Variants in PTBP3 observed in about 807,000 individuals in gnomAD.
PTBP3 encodes the protein polypyrimidine tract-binding protein 3.
A neutral mutation model predicts 58.7 loss-of-function variants in PTBP3; 20 were observed. The observed-to-expected ratio is 0.34, with a 90% CI of 0.24 to 0.50. The LOEUF is 0.50. Ranked by LOEUF, PTBP3 falls within the 20% of genes least tolerant of loss-of-function variation. PTBP3 has a pLI of 0.98. For synonymous variants in PTBP3, 185 were observed against 219.8 expected (o/e 0.84, Z 1.40); for missense variants, 509 against 637.2 (o/e 0.80, Z 2.17).
chr9:112,377,913 T>C, the PTBP3 span, among the ~76,000 whole-genome samples: 1 of 152,188 alleles, frequency 6.6e-6, no homozygotes, highest in East Asian at 1.9e-4. Context: ...ATATCTTGAG[T>C]ATGTCTTTTC....
chr9:112,246,338 G>A (rs1211017053), intron 7 of PTBP3, among the ~76,000 whole-genome samples: 1 of 152,052 alleles, frequency 6.6e-6, no homozygotes, highest in Non-Finnish European at 1.5e-5. Context: ...AGAAATGATG[G>A]AATTAGCAAA....
In PTBP3 at chr9:112,243,403, G is replaced by A. The variant is rs1382646516; in HGVS notation, c.802+7526C>T. On this transcript the variant is annotated intron_variant, in intron 7 of 13. Coordinates refer to ENST00000374257, the MANE Select transcript of PTBP3 (RefSeq NM_001163788.4). ...TAAAAATTCAAAAAATTAGCTAGAC[G>A]TGGTGGCAGGCACCTGTAATCCCAG... Among the ~76,000 whole-genome samples, 6 of 152,192 alleles carry A rather than the reference G, an allele frequency of 3.9e-5. No homozygotes were observed. The East Asian group carries it at 7.7e-4, about 20-fold the overall frequency.
rs1298602316 is a variant in PTBP3, at chr9:112,220,968, C to T, written c.*2883G>A. Reference sequence around the variant, plus strand: ...AAATGCATGCCAAAACAGAGATACACAGATCTAGTTTTTCCACCATCCTGA... The same window carrying T: ...AAATGCATGCCAAAACAGAGATACATAGATCTAGTTTTTCCACCATCCTGA... On this transcript the variant is annotated 3_prime_UTR_variant, in exon 14 of 14. Coordinates refer to ENST00000374257, the MANE Select transcript of PTBP3 (RefSeq NM_001163788.4). The T allele has an allele frequency of 1.0e-6, 1 of 966,356 alleles. No homozygotes were observed. Among genetic ancestry groups the T allele is most frequent in the Non-Finnish European group, 1.2e-6 (1 of 812,806 alleles). The allele number at this position is 966,356 out of a possible 1,614,324, so 59.9% of individuals were successfully genotyped here.
chr9:112,332,666 CAGAGAACAG>C, intron 1 of PTBP3: 3 of 1,252,216 alleles, frequency 2.4e-6, no homozygotes, highest in Middle Eastern at 2.0e-4. Context: ...CCTGAGTCCC[CAGAGAACAG>C]TTTATATACA....
the PTBP3 span, among the ~76,000 whole-genome samples, chr9:112,375,997 T>C: frequency 6.6e-6 from 1 of 151,984 alleles, no homozygotes; most frequent in Non-Finnish European, 1.5e-5. Flanking sequence ...ATAGCATCCC[T>C]ATCTGCCACT....
chr9:112,267,168 CTTT>C (rs59575179), intron 4 of PTBP3, among the ~76,000 whole-genome samples: 8 of 137,584 alleles, frequency 5.8e-5, no homozygotes, highest in Non-Finnish European at 4.7e-5. Context: ...AACCCACTTT[CTTT>C]TTTTTTTTTT....
chr9:112,330,672 C>T (rs1242259138), intron 1 of PTBP3, among the ~76,000 whole-genome samples: 3 of 152,054 alleles, frequency 2.0e-5, no homozygotes. Context: ...AAAGCAAATC[C>T]TTACTACCAA....
intron 3 of PTBP3, among the ~76,000 whole-genome samples, chr9:112,268,877 T>C (rs1295670545): frequency 1.3e-5 from 2 of 152,122 alleles, no homozygotes; most frequent in African/African-American, 2.4e-5. Flanking sequence ...TTTCAGCGGC[T>C]GTGATTTAAG....
chr9:112,331,723 C>T (rs1455501864), intron 1 of PTBP3, among the ~76,000 whole-genome samples: 1 of 152,208 alleles, frequency 6.6e-6, no homozygotes, highest in African/African-American at 2.4e-5. Context: ...ATCTGTATAA[C>T]TGCCTTGCAT....
At chr9:112,232,370 G>C in intron 8 of PTBP3, 132 bp from the exon 9 acceptor site, 1 of 930,756 alleles carries the variant, frequency 1.1e-6, no homozygotes, top group South Asian at 1.8e-5. Flanking sequence ...TAAAGATACT[G>C]AAGGCCAGTT....
chr9:112,220,764 G>T lies in PTBP3; in HGVS notation c.*3087C>A, dbSNP rs1420595939. 2 of 983,666 alleles carry T rather than the reference G, an allele frequency of 2.0e-6. No individual in the cohort carries two copies. The highest frequency in any genetic ancestry group is 1.7e-5 in the African/African-American group (1 of 57,146). The allele number at this position is 983,666 out of a possible 1,614,324, so 60.9% of individuals were successfully genotyped here. A position where few individuals can be genotyped will look rare whatever the true frequency, so the allele number is the denominator to read the frequency against. On this transcript the variant is annotated 3_prime_UTR_variant, in exon 14 of 14. Coordinates refer to ENST00000374257, the MANE Select transcript of PTBP3 (RefSeq NM_001163788.4). ...AAATCTCAAAGTAAATCATTTTGGT[G>T]TAATTCGCTACTGTTAAATGTGTAC...
chr9:112,316,661 T>G (rs952403037), intron 1 of PTBP3, among the ~76,000 whole-genome samples: 2 of 152,224 alleles, frequency 1.3e-5, no homozygotes, highest in Non-Finnish European at 2.9e-5. Flanking sequence ...GGTATCAGGC[T>G]GGGCACAGTG....
chr9:112,219,455 G>C lies in PTBP3; in HGVS notation c.*4396C>G, dbSNP rs41280167. The C allele has an allele frequency of 6.6e-6, 1 of 152,310 alleles. No individual in the cohort carries two copies. Among genetic ancestry groups the C allele is most frequent in the Non-Finnish European group, 1.5e-5 (1 of 68,026 alleles). 9.4% of individuals were successfully genotyped at this position (152,310 alleles called of 1,614,324 possible). A position where few individuals can be genotyped will look rare whatever the true frequency, so the allele number is the denominator to read the frequency against. ...CATGCCATAGGCATCTTTCAATTAT[G>C]ACTATGATCACCAAGGTCACTGGAC... On this transcript the variant is annotated 3_prime_UTR_variant, in exon 14 of 14. Transcript: ENST00000374257.
At chr9:112,374,475 T>A in the PTBP3 span, among the ~76,000 whole-genome samples, 2 of 152,190 alleles carry the variant, frequency 1.3e-5, no homozygotes, top group Non-Finnish European at 2.9e-5. Flanking sequence ...CAGTACCATA[T>A]ATTGAACACT....
At chr9:112,374,753 C>T in the PTBP3 span, among the ~76,000 whole-genome samples, 400 of 152,332 alleles carry the variant, frequency 2.6e-3, 5 homozygotes, top group Middle Eastern at 0.014. Context: ...TCTGTGAGTC[C>T]ATGGATGGTA....
At chr9:112,246,878 G>A (rs1030831322) in intron 7 of PTBP3, among the ~76,000 whole-genome samples, 4 of 152,072 alleles carry the variant, frequency 2.6e-5, no homozygotes, top group African/African-American at 9.7e-5. Context: ...AACATCATGT[G>A]TCTCCTAATG....
At chr9:112,331,081 GAACACA>G (rs997626606) in intron 1 of PTBP3, among the ~76,000 whole-genome samples, 7 of 67,830 alleles carry the variant, frequency 1.0e-4, no homozygotes, top group African/African-American at 3.5e-4. Context: ...AGGAGGAAAC[GAACACA>G]CACACACACA....
In PTBP3 at chr9:112,262,592, T is replaced by A. The variant is rs1836643997; in HGVS notation, c.359A>T (p.Gln120Leu). 1 of 1,597,378 alleles carries A rather than the reference T, an allele frequency of 6.3e-7. No individual in the cohort carries two copies. The highest frequency in any genetic ancestry group is 8.5e-7 in the Non-Finnish European group (1 of 1,173,954). The change falls in exon 5 of 14, where the codon CAA becomes CTA. Residue 120 changes from glutamine to leucine, a missense_variant. Gln to Leu is a moderately radical substitution (Grantham distance 113). Coordinates refer to ENST00000374257, the MANE Select transcript of PTBP3 (RefSeq NM_001163788.4). ...GGCACTGACAGCCTGCAGTGCAGCT[T>A]GGGCTCGCTATAGAACAACCCAAAA... ...TDNLPNQARAQAALQAVSAVQ... is the reference protein window; with the variant it reads ...TDNLPNQARALAALQAVSAVQ...
rs34426952 is a variant in PTBP3, at chr9:112,287,334, G to GTTTTTTTTTTTTTTTTTTTTTT, written c.34+10497_34+10498insAAAAAAAAAAAAAAAAAAAAAA. 4.2e-5 allele frequency among the ~76,000 whole-genome samples: 4 copies of GTTTTTTTTTTTTTTTTTTTTTT among 96,080 alleles called. 2 individuals are homozygous for GTTTTTTTTTTTTTTTTTTTTTT. Among genetic ancestry groups the GTTTTTTTTTTTTTTTTTTTTTT allele is most frequent in the African/African-American group, 8.6e-5 (2 of 23,152 alleles). The allele number at this position is 96,080 out of a possible 152,430, so 63.0% of individuals were successfully genotyped here. ...TAAGGCTCTGTTCACTTCTTTTTCA[G>GTTTTTTTTTTTTTTTTTTTTTT]TTTTTTGTTTTTTTTTTTTTTTTGA... On this transcript the variant is annotated intron_variant, in intron 2 of 13. Coordinates refer to ENST00000374257, the MANE Select transcript of PTBP3 (RefSeq NM_001163788.4).
Sources: gnomAD v4.1 joint callset for allele counts (sites outside exome capture counted in the v4.1 genomes callset) on GRCh38, gnomAD v4.1.1 for gene constraint, MANE v1.5 for transcripts, NCBI Gene and HGNC (gene_info 2026-07-23, HGNC 2026-07-21) for gene names.